Variants in KIF1B observed in about 807,000 individuals in gnomAD.
The protein encoded by KIF1B is kinesin family member 1B, also known as kinesin-like protein KIF1B.
In KIF1B, 76 loss-of-function variants were observed where a neutral mutation model predicts 241.9. That is an observed-to-expected ratio of 0.31 (90% CI 0.26 to 0.38). The LOEUF (loss-of-function observed/expected upper bound fraction) is 0.38. Among genes scored for constraint, KIF1B ranks in the 10% least tolerant of loss-of-function variants. KIF1B has a pLI of 1.00. For missense variants in KIF1B, 1,622 were observed against 2,271.4 expected, an observed-to-expected ratio of 0.71 and a Z score of 5.81; for synonymous variants, 750 against 796.7, an observed-to-expected ratio of 0.94 and a Z score of 0.99.
chr1:10,321,108 CTT>C (rs1332388476), intron 23 of KIF1B, among the ~76,000 whole-genome samples: 9 of 143,610 alleles, frequency 6.3e-5, no homozygotes, highest in East Asian at 2.0e-4. Context: ...AGGAGTTTGT[CTT>C]TTTTTTTTTT....
In KIF1B at chr1:10,371,730, C is replaced by T. The variant is rs546106112; in HGVS notation, c.4946+468C>T. Among the ~76,000 whole-genome samples the T allele has an allele frequency of 2.6e-5, 4 of 152,186 alleles. 1 individual carries two copies. Among genetic ancestry groups the T allele is most frequent in the South Asian group, 4.1e-4 (2 of 4,820 alleles). On this transcript the variant is annotated intron_variant, in intron 45 of 48. Transcript: ENST00000676179. ...GGAGGATTGCTTGAGGCTGGGAGTT[C>T]GAGACCAGGCTGGGCAACATAGCGA... is the stretch of plus-strand genomic sequence containing the variant.
At position 10,374,688 on chromosome 1, in the gene KIF1B, C is replaced by T. The variant is rs1273709658; in HGVS notation, c.5097-166C>T. Among the ~76,000 whole-genome samples, 2 of 152,164 alleles carry T rather than the reference C, an allele frequency of 1.3e-5. No individual in the cohort carries two copies. The highest frequency in any genetic ancestry group is 6.5e-5 in the Admixed American group (1 of 15,278). ...GCAGCATGTTGCCATGGCACGGTTT[C>T]GCTTTTGCCGTATTACTTTGGCAGA... is the stretch of plus-strand genomic sequence containing the variant. On this transcript the variant is annotated intron_variant, in intron 46 of 48. Transcript: ENST00000676179. This position sits in a 1 kb window ranked among gnomAD's most constrained non-coding sequence, Gnocchi z 4.3.
chr1:10,244,519 TG>T (rs2102155932), intron 2 of KIF1B, among the ~76,000 whole-genome samples: 1 of 152,086 alleles, frequency 6.6e-6, no homozygotes, highest in Non-Finnish European at 1.5e-5. Flanking sequence ...TTCCCCATCT[TG>T]AGGCTGGTCT....
chr1:10,320,979 G>A (rs1372614407), intron 23 of KIF1B, among the ~76,000 whole-genome samples: 1 of 151,550 alleles, frequency 6.6e-6, no homozygotes, highest in African/African-American at 2.4e-5. Flanking sequence ...GGGATTACAG[G>A]CATGAGCCAC....
intron 48 of KIF1B, 39 bp downstream of exon 48, chr1:10,375,412 G>T: frequency 3.9e-6 from 6 of 1,531,378 alleles, no homozygotes; most frequent in South Asian, 1.1e-5. Flanking sequence ...TTTTTGAGAC[G>T]GAGTCTCACT....
chr1:10,281,450 A>G (rs961719193), intron 14 of KIF1B, among the ~76,000 whole-genome samples: 9 of 152,140 alleles, frequency 5.9e-5, no homozygotes. Context: ...TAACAGTTCT[A>G]TTAAAGACTT....
chr1:10,267,691 T>G lies in KIF1B; in HGVS notation c.608+133T>G, dbSNP rs901989627. The G allele has an allele frequency of 2.9e-5, 23 of 793,746 alleles. No individual in the cohort carries two copies. In the African/African-American group the frequency reaches 3.8e-4, roughly 13 times the overall value. 49.2% of individuals were successfully genotyped at this position (793,746 alleles called of 1,614,324 possible). Reference sequence around the variant, plus strand: ...TTGTGGAGTCCTCTGATCCTTTGACTGTGCTGTAACAGTGAGGGCTTCAGA... The same window carrying G: ...TTGTGGAGTCCTCTGATCCTTTGACGGTGCTGTAACAGTGAGGGCTTCAGA... On this transcript the variant is annotated intron_variant, in intron 6 of 48. Transcript: ENST00000676179.
Position 10,291,709 on chromosome 1 carries a change from C to CA in KIF1B, c.1515-324dup, listed in dbSNP as rs34360352. Among the ~76,000 whole-genome samples, 1,011 of 120,194 alleles carry CA rather than the reference C, an allele frequency of 8.4e-3. 8 individuals are homozygous for CA. Among genetic ancestry groups the CA allele is most frequent in the African/African-American group, 0.028 (823 of 29,720 alleles). 78.9% of individuals were successfully genotyped at this position (120,194 alleles called of 152,430 possible). ...CCTGGGTGACAGCAAGACTCTGTCTCAAAAAAAAAAAAAAGGAATAGCCTC... is the reference window on the plus strand; with the variant it reads ...CCTGGGTGACAGCAAGACTCTGTCTCAAAAAAAAAAAAAAAGGAATAGCCTC... On this transcript the variant is annotated intron_variant, in intron 16 of 48. Coordinates refer to ENST00000676179, the MANE Select transcript of KIF1B (RefSeq NM_001365951.3).
intron 22 of KIF1B, chr1:10,305,913 T>C (rs1650806132): frequency 9.5e-7 from 1 of 1,053,716 alleles, no homozygotes; most frequent in African/African-American, 1.7e-5. Context: ...ACTTCATGTT[T>C]TGGAAGATTC....
rs371863923 is a variant in KIF1B at position 10,360,933 on chromosome 1, T to C, written c.4060T>C (p.Phe1354Leu). The change falls in exon 39 of 49, where the codon TTC (phenylalanine) becomes CTC (leucine). Residue 1354 changes from phenylalanine to leucine, a missense_variant. Transcript: ENST00000676179. ...LKSSHNSSRT[F>L]YRFEAVWDSS... ...CTCTTGTCTTTCTGACCTTAGGACC[T>C]TCTACCGCTTTGAGGCTGTGTGGGA... 2 of 1,611,368 alleles carry C rather than the reference T, an allele frequency of 1.2e-6. No homozygotes were observed. Among genetic ancestry groups the C allele is most frequent in the African/African-American group, 1.3e-5 (1 of 74,974 alleles).
At chr1:10,272,091 G>C (rs1033843568) in intron 8 of KIF1B, 150 bp from the exon 9 acceptor site, 21 of 644,656 alleles carry the variant, frequency 3.3e-5, no homozygotes, top group Non-Finnish European at 5.8e-5. Flanking sequence ...TTATCAAGTG[G>C]AAAAGAGGAC....
intron 31 of KIF1B, 24 bp from the exon 32 acceptor site, chr1:10,339,745 A>C (rs1037402599): frequency 1.9e-6 from 3 of 1,601,088 alleles, no homozygotes; most frequent in Non-Finnish European, 2.6e-6. Context: ...ATTGTTCACG[A>C]GTCTTTTTAT....
intron 3 of KIF1B, 48 bp from the exon 4 acceptor site, chr1:10,258,445 A>G: frequency 6.4e-7 from 1 of 1,561,718 alleles, no homozygotes; most frequent in Non-Finnish European, 8.8e-7. Flanking sequence ...TAAGTATAGG[A>G]AGAAATATTA....
intron 13 of KIF1B, 102 bp downstream of exon 13, chr1:10,278,230 T>TG: frequency 8.4e-7 from 1 of 1,195,470 alleles, no homozygotes; most frequent in Non-Finnish European, 1.2e-6. Flanking sequence ...AGGAGCATGA[T>TG]GAAGCTAAAT....
intron 22 of KIF1B, among the ~76,000 whole-genome samples, chr1:10,313,090 AGAGTCTTGCTCTGTCACCTAGGCTG>A (rs1396666480): frequency 1.3e-5 from 2 of 151,332 alleles, no homozygotes; most frequent in African/African-American, 4.9e-5. Context: ...TTATTGAGAC[AGAGTCTTGCTCTGTCACCTAGGCTG>A]GAGTGTGTGA....
intron 22 of KIF1B, among the ~76,000 whole-genome samples, chr1:10,310,409 G>A (rs1461984724): frequency 6.6e-6 from 1 of 151,530 alleles, no homozygotes; most frequent in Non-Finnish European, 1.5e-5. Flanking sequence ...TAAAACACTA[G>A]ATAGTAAATA....
At chr1:10,213,160 GTTAC>G (rs142412432) in intron 1 of KIF1B, among the ~76,000 whole-genome samples, 4,032 of 151,758 alleles carry the variant, frequency 0.027, 160 homozygotes, top group African/African-American at 0.092. Context: ...AATTTTTAGA[GTTAC>G]TTTATTAGTA....
chr1:10,212,624 T>G (rs1342506860), intron 1 of KIF1B, among the ~76,000 whole-genome samples: 1 of 151,976 alleles, frequency 6.6e-6, no homozygotes, highest in Non-Finnish European at 1.5e-5. Flanking sequence ...GGCTCATGCC[T>G]TGTAATCCCA....
chr1:10,302,843 C>A (rs910427370), intron 22 of KIF1B, among the ~76,000 whole-genome samples: 13 of 152,120 alleles, frequency 8.5e-5, no homozygotes, highest in Admixed American at 7.9e-4. Context: ...CATAGGGTGA[C>A]ATACTCATCC....
Sources: gnomAD v4.1 joint callset for allele counts (sites outside exome capture counted in the v4.1 genomes callset) on GRCh38, gnomAD v4.1.1 for gene constraint, Gnocchi (gnomAD v3.1) non-coding constraint, MANE v1.5 for transcripts, NCBI Gene and HGNC (gene_info 2026-07-23, HGNC 2026-07-21) for gene names.